Variants in BBX observed in about 807,000 individuals in gnomAD.
BBX encodes the protein BBX high mobility group box domain containing.
BBX carries 30 observed loss-of-function variants against 100.2 expected under a neutral mutation model. The ratio of observed to expected loss-of-function variants is 0.30; its 90% confidence interval spans 0.22 to 0.41. The LOEUF is 0.41. BBX is among the 10% of genes least tolerant of loss of function. The pLI, the probability that BBX is intolerant of heterozygous loss-of-function variation, is 1.00. For missense variants in BBX, 1,023 were observed against 1,129.8 expected (o/e 0.91, Z 1.35); for synonymous variants, 376 against 388.1 (o/e 0.97, Z 0.37).
chr3:107,661,896 G>A (rs1363330467), intron 3 of BBX: 2 of 985,018 alleles, frequency 2.0e-6, no homozygotes, highest in Admixed American at 6.1e-5. Flanking sequence ...TAGATGTGGA[G>A]GATTCACTGG....
Position 107,743,000 on chromosome 3 carries a change from T to C in BBX, c.670-1630T>C, listed in dbSNP as rs139134520. Among the ~76,000 whole-genome samples the C allele has an allele frequency of 7.2e-5, 11 of 152,320 alleles. No individual in the cohort carries two copies. The East Asian group carries it at 1.3e-3, about 19-fold the overall frequency. ...TTTACCTCCTCATAAATGGTCACTA[T>C]TTCTTGTGAATTGTGGGATCTGAAA... is the stretch of plus-strand genomic sequence containing the variant. On this transcript the variant is annotated intron_variant, in intron 7 of 17. Transcript: ENST00000325805.
At chr3:107,683,328 G>GTACT (rs2059666814) in intron 3 of BBX, among the ~76,000 whole-genome samples, 1 of 151,964 alleles carries the variant, frequency 6.6e-6, no homozygotes, top group Admixed American at 6.6e-5. Flanking sequence ...GTGTAAACTT[G>GTACT]TACTTTTTAG....
intron 13 of BBX, 21 bp from the exon 14 acceptor site, chr3:107,789,760 ATATATT>A: frequency 3.0e-6 from 4 of 1,353,378 alleles, no homozygotes; most frequent in African/African-American, 1.5e-5. Flanking sequence ...TGAATTTAAA[ATATATT>A]TATATTAATA....
At chr3:107,753,343 A>G (rs1442450851) in intron 9 of BBX, among the ~76,000 whole-genome samples, 1 of 152,308 alleles carries the variant, frequency 6.6e-6, no homozygotes, top group East Asian at 1.9e-4. Context: ...TGCCATAAAA[A>G]TGTTACTGTT....
chr3:107,693,161 T>A (rs868708933), intron 3 of BBX, among the ~76,000 whole-genome samples: 1 of 150,580 alleles, frequency 6.6e-6, no homozygotes, highest in African/African-American at 2.5e-5. Context: ...CTGTTCACTC[T>A]GATGGTAGTT....
intron 3 of BBX, among the ~76,000 whole-genome samples, chr3:107,665,403 G>C (rs2058682958): frequency 5.3e-5 from 8 of 151,970 alleles, no homozygotes; most frequent in Admixed American, 4.6e-4. Context: ...GATTCCTTTT[G>C]ACGCCACAAT....
At chr3:107,628,284 TAAGTA>T (rs1445420441) in intron 2 of BBX, among the ~76,000 whole-genome samples, 1 of 152,024 alleles carries the variant, frequency 6.6e-6, no homozygotes, top group Non-Finnish European at 1.5e-5. Flanking sequence ...GAATTGCTAA[TAAGTA>T]AAGATATTGA....
intron 9 of BBX, among the ~76,000 whole-genome samples, chr3:107,753,624 CCATGCACTGCATTAGG>C (rs1426060252): frequency 3.3e-5 from 5 of 152,146 alleles, no homozygotes; most frequent in Non-Finnish European, 5.9e-5. Flanking sequence ...TCTCAGTGTG[CCATGCACTGCATTAGG>C]CACAGGATAT....
At chr3:107,535,244 A>T (rs543574637) in intron 2 of BBX, among the ~76,000 whole-genome samples, 1 of 149,746 alleles carries the variant, frequency 6.7e-6, no homozygotes, top group South Asian at 2.1e-4. Flanking sequence ...ATTCTCCCCA[A>T]TTTTTTTTTT....
rs1340361258 is a variant in BBX, at chr3:107,645,843, C to T, written c.-76C>T. On this transcript the variant is annotated 5_prime_UTR_variant, in exon 3 of 18. Coordinates refer to ENST00000325805, the MANE Select transcript of BBX (RefSeq NM_001142568.3). ...TCTATGGGTCCTTCACAGAATCCTG[C>T]TGCATCACAGAAGCTGGAAGTTCTG... The T allele has an allele frequency of 6.6e-6, 1 of 152,610 alleles. No individual in the cohort carries two copies. Among genetic ancestry groups the T allele is most frequent in the Admixed American group, 6.6e-5 (1 of 15,264 alleles). The allele number at this position is 152,610 out of a possible 1,614,324, so 9.5% of individuals were successfully genotyped here. A position where few individuals can be genotyped will look rare whatever the true frequency, so the allele number is the denominator to read the frequency against.
intron 4 of BBX, 112 bp downstream of exon 4, chr3:107,710,734 C>T: frequency 1.0e-6 from 1 of 976,190 alleles, no homozygotes; most frequent in Non-Finnish European, 1.5e-6. Flanking sequence ...GCCTGTATAG[C>T]TTGAATCCTA....
At chr3:107,691,333 A>G (rs1487007138) in intron 3 of BBX, among the ~76,000 whole-genome samples, 1 of 152,170 alleles carries the variant, frequency 6.6e-6, no homozygotes, top group Non-Finnish European at 1.5e-5. Context: ...CAATTTAGTA[A>G]ATTTACTGGA....
intron 2 of BBX, among the ~76,000 whole-genome samples, chr3:107,580,305 G>A (rs2052175184): frequency 6.9e-6 from 1 of 144,924 alleles, no homozygotes; most frequent in Non-Finnish European, 1.5e-5. Context: ...TGTTTCTCTT[G>A]TGTGAGCTTT....
At chr3:107,757,006 A>C (rs995559296) in intron 10 of BBX, among the ~76,000 whole-genome samples, 3 of 152,066 alleles carry the variant, frequency 2.0e-5, no homozygotes, top group African/African-American at 7.2e-5. Context: ...TTGTCAAGAA[A>C]ATTTATTTGA....
At chr3:107,560,297 C>T (rs1188624195) in intron 2 of BBX, among the ~76,000 whole-genome samples, 4 of 151,660 alleles carry the variant, frequency 2.6e-5, no homozygotes, top group Admixed American at 6.6e-5. Flanking sequence ...CCTTTTATCC[C>T]GTCTTGTTTT....
At chr3:107,717,100 C>G (rs376378303) in intron 5 of BBX, among the ~76,000 whole-genome samples, 2 of 152,042 alleles carry the variant, frequency 1.3e-5, no homozygotes, top group East Asian at 3.9e-4. Flanking sequence ...TTGTCTATAC[C>G]CCACTGATTG....
chr3:107,697,045 C>T (rs2060658647), intron 3 of BBX, among the ~76,000 whole-genome samples: 1 of 151,800 alleles, frequency 6.6e-6, no homozygotes, highest in Non-Finnish European at 1.5e-5. Flanking sequence ...GTTTTCAGCT[C>T]CATCAGCTCC....
At position 107,525,826 on chromosome 3, in the gene BBX, A is replaced by G. The variant is rs916157654; in HGVS notation, c.-155-501A>G. 3.3e-5 allele frequency among the ~76,000 whole-genome samples: 5 copies of G among 152,198 alleles called. No homozygotes were observed. In the South Asian group the frequency reaches 8.3e-4, roughly 25 times the overall value. ...CCGGGCTGGGTGTTTGGGAGACGGC[A>G]GTGGCCGCCCAGGTCTGAAAGGCTG... On this transcript the variant is annotated intron_variant, in intron 1 of 17. Coordinates refer to ENST00000325805, the MANE Select transcript of BBX (RefSeq NM_001142568.3).
intron 10 of BBX, among the ~76,000 whole-genome samples, chr3:107,769,026 G>T (rs1159937427): frequency 1.3e-5 from 2 of 150,440 alleles, no homozygotes; most frequent in East Asian, 2.0e-4. Context: ...GGGGGAGCCG[G>T]GCATAGTGGC....
Sources: allele counts gnomAD v4.1 joint callset (sites outside exome capture counted in the v4.1 genomes callset), GRCh38; gene constraint gnomAD v4.1.1; transcripts MANE v1.5; gene names NCBI Gene and HGNC (gene_info 2026-07-23, HGNC 2026-07-21).